Variants in LCMT2 observed in about 807,000 individuals in gnomAD.
LCMT2 encodes the protein leucine carboxyl methyltransferase 2, also known as tRNA wybutosine-synthesizing protein 4.
Under a neutral mutation model 42.0 loss-of-function variants are expected in LCMT2, and 34 were observed. That is an observed-to-expected ratio of 0.81 (90% CI 0.62 to 1.08). LCMT2 has a LOEUF of 1.08. Among genes scored for constraint, LCMT2 ranks in the 50% least tolerant of loss-of-function variants. LCMT2 has a pLI of 0.00. For missense variants in LCMT2, 1,091 were observed against 889.4 expected, an observed-to-expected ratio of 1.23 and a Z score of -2.88; for synonymous variants, 445 against 369.5, an observed-to-expected ratio of 1.20 and a Z score of -2.34.
chr15:43,328,559 G>T lies in LCMT2; in HGVS notation c.1931C>A (p.Thr644Asn). Reference protein sequence around the residue: ...VPWPLMLHNHTSILLPEEQQL... With the variant: ...VPWPLMLHNHNSILLPEEQQL... Reference sequence around the variant, plus strand: ...TTGCTCTTCAGGAAGAAGGATACTAGTATGGTTGTGTAACATTAATGGCCA... The same window carrying T: ...TTGCTCTTCAGGAAGAAGGATACTATTATGGTTGTGTAACATTAATGGCCA... The change falls in exon 1 of 1, where the codon ACT (threonine) becomes AAT (asparagine). Residue 644 changes from threonine (T) to asparagine (N), a missense_variant. Coordinates refer to ENST00000305641, the MANE Select transcript of LCMT2 (RefSeq NM_014793.5). 1 of 1,614,228 alleles carries T rather than the reference G, an allele frequency of 6.2e-7. No individual in the cohort carries two copies. The highest frequency in any genetic ancestry group is 1.1e-5 in the South Asian group (1 of 91,086).
rs1237093391 is a variant in LCMT2 at position 43,326,419 on chromosome 15, C to G, written c.*2010G>C. 1.3e-5 allele frequency: 2 copies of G among 151,994 alleles called. No individual in the cohort carries two copies. Among genetic ancestry groups the G allele is most frequent in the Admixed American group, 1.3e-4 (2 of 15,258 alleles). The allele number at this position is 151,994 out of a possible 1,614,324, so 9.4% of individuals were successfully genotyped here. On this transcript the variant is annotated 3_prime_UTR_variant, in exon 1 of 1. Coordinates refer to ENST00000305641, the MANE Select transcript of LCMT2 (RefSeq NM_014793.5). Reference sequence around the variant, plus strand: ...ATGCTTTCCCTAGAAATGGCTCTTACAAAGTCTCAGGAAAGCTGAAGTTGG... The same window carrying G: ...ATGCTTTCCCTAGAAATGGCTCTTAGAAAGTCTCAGGAAAGCTGAAGTTGG...
At position 43,330,269 on chromosome 15, in the gene LCMT2, A is replaced by G. The variant is rs1455207057; in HGVS notation, c.221T>C (p.Ile74Thr). 1 of 1,599,666 alleles carries G rather than the reference A, an allele frequency of 6.3e-7. No homozygotes were observed. The highest frequency in any genetic ancestry group is 1.8e-5 in the Admixed American group (1 of 55,954). ...RHCVRAFLEQIGAPQAALRAQ... is the reference protein window; with the variant it reads ...RHCVRAFLEQTGAPQAALRAQ... ...GCGAAGCGCGGCCTGGGGCGCGCCAATCTGCTCCAAAAAAGCGCGCACGCA... is the reference window on the plus strand; with the variant it reads ...GCGAAGCGCGGCCTGGGGCGCGCCAGTCTGCTCCAAAAAAGCGCGCACGCA... The change falls in exon 1 of 1, where the codon ATT (isoleucine) becomes ACT (threonine). Residue 74 changes from isoleucine to threonine, a missense_variant. Ile to Thr is a moderately conservative substitution (Grantham distance 89, BLOSUM62 -1). Coordinates refer to ENST00000305641, the MANE Select transcript of LCMT2 (RefSeq NM_014793.5).
Position 43,324,641 on chromosome 15 carries a change from GCAAACAAACAAA to G in LCMT2, c.*3776_*3787del, listed in dbSNP as rs35295618. On this transcript the variant is annotated 3_prime_UTR_variant, in exon 1 of 1. Coordinates refer to ENST00000305641, the MANE Select transcript of LCMT2 (RefSeq NM_014793.5). ...TCCGTCTCAAAACAAAAAACAAAAA[GCAAACAAACAAA>G]CAAACAAACAAACAAACCCAAAAAA... is the stretch of plus-strand genomic sequence containing the variant. 2 of 131,728 alleles carry G rather than the reference GCAAACAAACAAA, an allele frequency of 1.5e-5. No individual in the cohort carries two copies. The highest frequency in any genetic ancestry group is 3.8e-3 in the Middle Eastern group (1 of 262). 8.2% of individuals were successfully genotyped at this position (131,728 alleles called of 1,614,324 possible). A position where few individuals can be genotyped will look rare whatever the true frequency, so the allele number is the denominator to read the frequency against.
chr15:43,329,401 G>A lies in LCMT2; in HGVS notation c.1089C>T (p.Val363=), dbSNP rs200790502. 45 of 1,614,138 alleles carry A rather than the reference G, an allele frequency of 2.8e-5. No individual in the cohort carries two copies. The East Asian group carries it at 8.7e-4, about 31-fold the overall frequency. ...TGAGAATAACGTCTGGGCTCAAGAA[G>A]ACAGAGGCGTGGCCATATCTCTTCA... The part of the protein sequence containing the change: ...PNLKRYGHAS[V]FLSPDVILSA... The change falls in exon 1 of 1, where the codon GTC becomes GTT. Residue 363 remains valine (V), a synonymous_variant. Coordinates refer to ENST00000305641, the MANE Select transcript of LCMT2 (RefSeq NM_014793.5).
Position 43,328,544 on chromosome 15 carries a change from G to C in LCMT2, c.1946C>G (p.Pro649Arg), listed in dbSNP as rs1566854268. ...AAGGAGCAGGAGCTGTTGCTCTTCAGGAAGAAGGATACTAGTATGGTTGTG... is the reference window on the plus strand; with the variant it reads ...AAGGAGCAGGAGCTGTTGCTCTTCACGAAGAAGGATACTAGTATGGTTGTG... ...MLHNHTSILL[P>R]EEQQLLLLGG... Residue 649 changes from proline (P) to arginine (R), a missense_variant, in exon 1 of 1, where the codon CCT (proline) becomes CGT (arginine). Physicochemically the swap from Pro to Arg is moderately radical, Grantham distance 103. Transcript: ENST00000305641. The C allele has an allele frequency of 1.2e-6, 2 of 1,614,228 alleles. No homozygotes were observed. Among genetic ancestry groups the C allele is most frequent in the Non-Finnish European group, 1.7e-6 (2 of 1,180,044 alleles).
At position 43,329,924 on chromosome 15, in the gene LCMT2, G is replaced by T. The variant is rs1455019589; in HGVS notation, c.566C>A (p.Ala189Glu). 6.2e-7 allele frequency: 1 copy of T among 1,612,818 alleles called. No individual in the cohort carries two copies. Among genetic ancestry groups the T allele is most frequent in the East Asian group, 2.2e-5 (1 of 44,858 alleles). ...AASPTLLLAE[A>E]VLTYLEPESA... is the part of the protein sequence containing the mutation. ...CTCCGGCTCGAGGTAGGTCAGCACC[G>T]CCTCGGCCAGGAGCAGAGTGGGTGA... is the stretch of plus-strand genomic sequence containing the variant. The change falls in exon 1 of 1, where the codon GCG becomes GAG. Residue 189 changes from alanine to glutamate, a missense_variant. Coordinates refer to ENST00000305641, the MANE Select transcript of LCMT2 (RefSeq NM_014793.5).
In LCMT2 at chr15:43,327,195, A is replaced by T. The variant is rs2043122599; in HGVS notation, c.*1234T>A. 6.6e-6 allele frequency: 1 copy of T among 152,224 alleles called. No individual in the cohort carries two copies. The highest frequency in any genetic ancestry group is 2.1e-4 in the South Asian group (1 of 4,826). 9.4% of individuals were successfully genotyped at this position (152,224 alleles called of 1,614,324 possible). ...AGTAGGGTTAAGGGAAACCAAGTCA[A>T]GATATCCAGTCAGCAGTGTCCAGTA... On this transcript the variant is annotated 3_prime_UTR_variant, in exon 1 of 1. Coordinates refer to ENST00000305641, the MANE Select transcript of LCMT2 (RefSeq NM_014793.5).
Position 43,328,478 on chromosome 15 carries a change from T to A in LCMT2, c.2012A>T (p.Asn671Ile). 1.9e-6 allele frequency: 3 copies of A among 1,613,938 alleles called. No individual in the cohort carries two copies. Among genetic ancestry groups the A allele is most frequent in the Non-Finnish European group, 2.5e-6 (3 of 1,179,984 alleles). Reference sequence around the variant, plus strand: ...AAGGTCTAATGTGACTGTATGGGGGTTGAAGTAGGTACCAAAGGAAAAGCA... The same window carrying A: ...AAGGTCTAATGTGACTGTATGGGGGATGAAGTAGGTACCAAAGGAAAAGCA... ...GNCFSFGTYF[N>I]PHTVTLDLSS... Residue 671 changes from asparagine to isoleucine, a missense_variant, in exon 1 of 1, where the codon AAC (asparagine) becomes ATC (isoleucine). Coordinates refer to ENST00000305641, the MANE Select transcript of LCMT2 (RefSeq NM_014793.5).
rs930030294 is a variant in LCMT2, at chr15:43,326,047, T to G, written c.*2382A>C. 9 of 82,144 alleles carry G rather than the reference T, an allele frequency of 1.1e-4. No individual in the cohort carries two copies. The highest frequency in any genetic ancestry group is 1.1e-4 in the Non-Finnish European group (5 of 45,498). 5.1% of individuals were successfully genotyped at this position (82,144 alleles called of 1,614,324 possible). ...GATAGATGGATAATTTTTTTTTTTT[T>G]TTTTTTTTTTTTTTTTTTTTGGGTA... is the stretch of plus-strand genomic sequence containing the variant. On this transcript the variant is annotated 3_prime_UTR_variant, in exon 1 of 1. Coordinates refer to ENST00000305641, the MANE Select transcript of LCMT2 (RefSeq NM_014793.5).
In LCMT2 at chr15:43,325,431, C is replaced by T. The variant is rs1187185737; in HGVS notation, c.*2998G>A. The T allele has an allele frequency of 6.6e-6, 1 of 152,182 alleles. No homozygotes were observed. The highest frequency in any genetic ancestry group is 1.5e-5 in the Non-Finnish European group (1 of 68,040). The allele number at this position is 152,182 out of a possible 1,614,324, so 9.4% of individuals were successfully genotyped here. A position where few individuals can be genotyped will look rare whatever the true frequency, so the allele number is the denominator to read the frequency against. The stretch of plus-strand genomic sequence containing the variant: ...TATATTGAATGCTGCTCCAAAGGCA[C>T]AGGGTAAATATTGCTGACAATACTT... On this transcript the variant is annotated 3_prime_UTR_variant, in exon 1 of 1. Coordinates refer to ENST00000305641, the MANE Select transcript of LCMT2 (RefSeq NM_014793.5).
Position 43,328,480 on chromosome 15 carries a change from G to C in LCMT2, c.2010C>G (p.Phe670Leu). 6.2e-7 allele frequency: 1 copy of C among 1,614,174 alleles called. No homozygotes were observed. Among genetic ancestry groups the C allele is most frequent in the Non-Finnish European group, 8.5e-7 (1 of 1,180,012 alleles). ...GGTCTAATGTGACTGTATGGGGGTT[G>C]AAGTAGGTACCAAAGGAAAAGCAGT... ...GGNCFSFGTY[F>L]NPHTVTLDLS... Residue 670 changes from phenylalanine (F) to leucine (L), a missense_variant, in exon 1 of 1, where the codon TTC (phenylalanine) becomes TTG (leucine). Transcript: ENST00000305641.
In LCMT2 at chr15:43,328,877, C is replaced by T; in HGVS notation, c.1613G>A (p.Ser538Asn). 1 of 1,613,954 alleles carries T rather than the reference C, an allele frequency of 6.2e-7. No homozygotes were observed. The highest frequency in any genetic ancestry group is 8.5e-7 in the Non-Finnish European group (1 of 1,180,020). ...GGCTCCCCCTTGCCAAGTGCAGGCA[C>T]TGTGAGAATGCCGGGCTTCAGGTAC... ...GEVPEARHSH[S>N]ACTWQGGALI... The change falls in exon 1 of 1, where the codon AGT (serine) becomes AAT (asparagine). Residue 538 changes from serine to asparagine, a missense_variant. Ser to Asn is a conservative substitution (Grantham distance 46, BLOSUM62 1). Coordinates refer to ENST00000305641, the MANE Select transcript of LCMT2 (RefSeq NM_014793.5).
rs1290874168 is a variant in LCMT2, at chr15:43,328,911, C to A, written c.1579G>T (p.Glu527Ter). 1 of 1,614,000 alleles carries A rather than the reference C, an allele frequency of 6.2e-7. No homozygotes were observed. Among genetic ancestry groups the A allele is most frequent in the Non-Finnish European group, 8.5e-7 (1 of 1,180,042 alleles). The change falls in exon 1 of 1, where the codon GAG (glutamate) becomes TAG (stop). Residue 527 changes from glutamate (E) to a stop codon, truncating the protein, a stop_gained. Coordinates refer to ENST00000305641, the MANE Select transcript of LCMT2 (RefSeq NM_014793.5). LOFTEE classifies it high-confidence loss of function. Reference sequence around the variant, plus strand: ...TGCCGGGCTTCAGGTACTTCTCCCTCCACTGGGATCCTGACCCAAGCCATT... The same window carrying A: ...TGCCGGGCTTCAGGTACTTCTCCCTACACTGGGATCCTGACCCAAGCCATT... ...GTMAWVRIPV[E>*]GEVPEARHSH...
At position 43,329,686 on chromosome 15, in the gene LCMT2, G is replaced by C. The variant is rs779900187; in HGVS notation, c.804C>G (p.Ala268=). The change falls in exon 1 of 1, where the codon GCC becomes GCG. Residue 268 remains alanine, a synonymous_variant. Transcript: ENST00000305641. ...FLQAGWTACG[A]VDMNEFYHCF... ...AGTGATAGAATTCATTCATGTCCAC[G>C]GCACCGCAGGCGGTCCAGCCAGCTT... 2.5e-6 allele frequency: 4 copies of C among 1,613,412 alleles called. No homozygotes were observed. The highest frequency in any genetic ancestry group is 3.4e-6 in the Non-Finnish European group (4 of 1,179,944).
chr15:43,328,839 C>G lies in LCMT2; in HGVS notation c.1651G>C (p.Gly551Arg). ...AATGGCTCCTCAGAAGCCCCGAGAC[C>G]TCCAGCAATAAGGGCTCCCCCTTGC... is the stretch of plus-strand genomic sequence containing the variant. Reference protein sequence around the residue: ...TWQGGALIAGGLGASEEPLNS... With the variant: ...TWQGGALIAGRLGASEEPLNS... Residue 551 changes from glycine (G) to arginine (R), a missense_variant, in exon 1 of 1, where the codon GGT (glycine) becomes CGT (arginine). Transcript: ENST00000305641. The G allele has an allele frequency of 6.2e-7, 1 of 1,613,694 alleles. No individual in the cohort carries two copies. Among genetic ancestry groups the G allele is most frequent in the Non-Finnish European group, 8.5e-7 (1 of 1,180,024 alleles).
At position 43,327,304 on chromosome 15, in the gene LCMT2, A is replaced by G. The variant is rs78081195; in HGVS notation, c.*1125T>C. ...CCACACATAGTTATTAAGCACTTAA[A>G]ATGTGGTCAATGTGACTAAGCCACT... is the stretch of plus-strand genomic sequence containing the variant. On this transcript the variant is annotated 3_prime_UTR_variant, in exon 1 of 1. Transcript: ENST00000305641. 574 of 152,364 alleles carry G rather than the reference A, an allele frequency of 3.8e-3. 5 individuals carry two copies. Among genetic ancestry groups the G allele is most frequent in the African/African-American group, 0.013 (550 of 41,588 alleles). 9.4% of individuals were successfully genotyped at this position (152,364 alleles called of 1,614,324 possible). A position where few individuals can be genotyped will look rare whatever the true frequency, so the allele number is the denominator to read the frequency against.
rs1394729605 is a variant in LCMT2, at chr15:43,330,149, T to C, written c.341A>G (p.Asp114Gly). The C allele has an allele frequency of 6.2e-7, 1 of 1,610,568 alleles. No individual in the cohort carries two copies. The highest frequency in any genetic ancestry group is 8.5e-7 in the Non-Finnish European group (1 of 1,179,620). ...RLARAAVWEVDFPDVARRKAE... is the reference protein window; with the variant it reads ...RLARAAVWEVGFPDVARRKAE... ...TTTGCGCCGCGCCACGTCCGGAAAA[T>C]CCACCTCCCAGACTGCAGCCCGGGC... Residue 114 changes from aspartate (D) to glycine (G), a missense_variant, in exon 1 of 1, where the codon GAT becomes GGT. Transcript: ENST00000305641.
At position 43,329,396 on chromosome 15, in the gene LCMT2, A is replaced by G. The variant is rs1218341388; in HGVS notation, c.1094T>C (p.Leu365Ser). ...LKRYGHASVF[L>S]SPDVILSAGG... is the part of the protein sequence containing the mutation. ...TGCACTGAGAATAACGTCTGGGCTC[A>G]AGAAGACAGAGGCGTGGCCATATCT... is the stretch of plus-strand genomic sequence containing the variant. The change falls in exon 1 of 1, where the codon TTG (leucine) becomes TCG (serine). Residue 365 changes from leucine to serine, a missense_variant. Transcript: ENST00000305641. 1 of 1,614,038 alleles carries G rather than the reference A, an allele frequency of 6.2e-7. No individual in the cohort carries two copies. Among genetic ancestry groups the G allele is most frequent in the Non-Finnish European group, 8.5e-7 (1 of 1,180,034 alleles).
chr15:43,328,363 A>T lies in LCMT2; in HGVS notation c.*66T>A, dbSNP rs2043129446. On this transcript the variant is annotated 3_prime_UTR_variant, in exon 1 of 1. Coordinates refer to ENST00000305641, the MANE Select transcript of LCMT2 (RefSeq NM_014793.5). ...GAGGAGTGGCAGTATCTATAGCTAGAGGGTCATCCTATTTGTGGAAAACTT... is the reference window on the plus strand; with the variant it reads ...GAGGAGTGGCAGTATCTATAGCTAGTGGGTCATCCTATTTGTGGAAAACTT... 6.7e-6 allele frequency: 10 copies of T among 1,486,306 alleles called. No individual in the cohort carries two copies. In the East Asian group the frequency reaches 9.1e-5, roughly 13 times the overall value. The allele number at this position is 1,486,306 out of a possible 1,614,324, so 92.1% of individuals were successfully genotyped here. A position where few individuals can be genotyped will look rare whatever the true frequency, so the allele number is the denominator to read the frequency against.
Sources: gnomAD v4.1 joint callset for allele counts on GRCh38, gnomAD v4.1.1 for gene constraint, MANE v1.5 for transcripts, NCBI Gene and HGNC (gene_info 2026-07-23, HGNC 2026-07-21) for gene names.